The following NUDT13 variants were observed in gnomAD, a reference collection of about 807,000 sequenced individuals.
The protein encoded by NUDT13 is NAD(P)H pyrophosphatase NUDT13, mitochondrial.
A neutral mutation model predicts 41.7 loss-of-function variants in NUDT13; 40 were observed. The ratio of observed to expected loss-of-function variants is 0.96; its 90% CI spans 0.75 to 1.25. NUDT13 has a LOEUF of 1.25. Ranked by LOEUF, NUDT13 falls within the 50% of genes most tolerant of loss-of-function variation. NUDT13 has a pLI of 0.00. For missense variants in NUDT13, 390 were observed against 416.1 expected (o/e 0.94, Z 0.55); for synonymous variants, 145 against 155.5 (o/e 0.93, Z 0.50).
In NUDT13 at chr10:73,126,759, C is replaced by T. The variant is rs34883783; in HGVS notation, c.790C>T (p.His264Tyr). The T allele has an allele frequency of 4.2e-4, 675 of 1,614,140 alleles. No homozygotes were observed. The African/African-American group carries it at 8.1e-3, about 19-fold the overall frequency. Residue 264 changes from histidine to tyrosine, a missense_variant, in exon 8 of 9, where the codon CAT (histidine) becomes TAT (tyrosine). Physicochemically the swap from His to Tyr is moderately conservative, Grantham distance 83 (BLOSUM62 2). Transcript: ENST00000357321. ...AAGCCTGCAGTACTATGCATCCCAG[C>T]ATTGGCCCTTCCCTAGTGGCTCACT... ...VESLQYYASQ[H>Y]WPFPSGSLMI...
At chr10:73,113,764 C>G (rs1369466724) in intron 1 of NUDT13, among the ~76,000 whole-genome samples, 2 of 152,194 alleles carry the variant, frequency 1.3e-5, no homozygotes, top group African/African-American at 4.8e-5. Context: ...AGAAGTAGGA[C>G]TAAATTTTAG....
At chr10:73,118,408 TA>T (rs1350227362) in intron 2 of NUDT13, among the ~76,000 whole-genome samples, 79 of 152,298 alleles carry the variant, frequency 5.2e-4, no homozygotes, top group African/African-American at 1.8e-3. Flanking sequence ...CCACAGGAAA[TA>T]TCTGCAAACT....
At chr10:73,129,251 C>T (rs1842860831) in intron 8 of NUDT13, among the ~76,000 whole-genome samples, 2 of 148,082 alleles carry the variant, frequency 1.4e-5, no homozygotes, top group South Asian at 4.3e-4. Flanking sequence ...CAGCTCACTG[C>T]AACCTTCGCC....
chr10:73,116,876 A>ATTTTTTTTTT lies in NUDT13; in HGVS notation c.83+2447_83+2456dup, dbSNP rs56229464. ...TGTACTCCTTTAACAGACTACAAGA[A>ATTTTTTTTTT]TTTTTTTTTTTTTTTTTTTTTTTTT... On this transcript the variant is annotated intron_variant, in intron 2 of 8. Coordinates refer to ENST00000357321, the MANE Select transcript of NUDT13 (RefSeq NM_015901.6). Among the ~76,000 whole-genome samples, 4 of 81,868 alleles carry ATTTTTTTTTT rather than the reference A, an allele frequency of 4.9e-5. 1 individual carries two copies. Among genetic ancestry groups the ATTTTTTTTTT allele is most frequent in the African/African-American group, 9.8e-5 (2 of 20,458 alleles). The allele number at this position is 81,868 out of a possible 152,430, so 53.7% of individuals were successfully genotyped here. A position where few individuals can be genotyped will look rare whatever the true frequency, so the allele number is the denominator to read the frequency against.
At chr10:73,125,561 T>C (rs1268400091) in intron 7 of NUDT13, 52 bp downstream of exon 7, 2 of 1,164,826 alleles carry the variant, frequency 1.7e-6, no homozygotes, top group Non-Finnish European at 1.2e-6. Flanking sequence ...ACAATCTTAC[T>C]AATACAATCT....
chr10:73,125,102 A>G lies in NUDT13; in HGVS notation c.466-16A>G. 6.2e-7 allele frequency: 1 copy of G among 1,600,564 alleles called. No homozygotes were observed. Among genetic ancestry groups the G allele is most frequent in the South Asian group, 1.1e-5 (1 of 90,386 alleles). Reference sequence around the variant, plus strand: ...ATTCTCTCCAAATGACACCAGGCCCATCATTGTGTTCCTAGGCTCAAGCTC... The same window carrying G: ...ATTCTCTCCAAATGACACCAGGCCCGTCATTGTGTTCCTAGGCTCAAGCTC... On this transcript the variant is annotated splice_polypyrimidine_tract_variant and intron_variant, in intron 5 of 8. Transcript: ENST00000357321.
chr10:73,117,253 TA>T (rs1842536128), intron 2 of NUDT13, among the ~76,000 whole-genome samples: 1 of 151,834 alleles, frequency 6.6e-6, no homozygotes, highest in Non-Finnish European at 1.5e-5. Flanking sequence ...TAAATCTATT[TA>T]AGAATGAATA....
At chr10:73,115,722 C>T (rs926832274) in intron 2 of NUDT13, among the ~76,000 whole-genome samples, 2 of 152,030 alleles carry the variant, frequency 1.3e-5, no homozygotes, top group Non-Finnish European at 1.5e-5. Flanking sequence ...CCTGTCACTT[C>T]AGATGAAAAA....
Position 73,131,092 on chromosome 10 carries a change from A to G in NUDT13, c.*189A>G, listed in dbSNP as rs1842907507. 2.0e-6 allele frequency: 1 copy of G among 494,224 alleles called. No homozygotes were observed. Among genetic ancestry groups the G allele is most frequent in the Non-Finnish European group, 3.7e-6 (1 of 270,292 alleles). 30.6% of individuals were successfully genotyped at this position (494,224 alleles called of 1,614,324 possible). A position where few individuals can be genotyped will look rare whatever the true frequency, so the allele number is the denominator to read the frequency against. ...AGAAATTCCTACCAATGGGCAATCAAAAAAGCCAGTGTGAGAAGAAAACTG... is the reference window on the plus strand; with the variant it reads ...AGAAATTCCTACCAATGGGCAATCAGAAAAGCCAGTGTGAGAAGAAAACTG... On this transcript the variant is annotated 3_prime_UTR_variant, in exon 9 of 9. Coordinates refer to ENST00000357321, the MANE Select transcript of NUDT13 (RefSeq NM_015901.6).
Position 73,120,060 on chromosome 10 carries a change from AG to A in NUDT13, c.127del (p.Ala43ProfsTer32), listed in dbSNP as rs1385467606. On this transcript the variant is annotated frameshift_variant, in exon 3 of 9. Transcript: ENST00000357321. LOFTEE classifies it high-confidence loss of function. ...LKEDDDACKK[A>X]QQTGAFYLFH... ...AGGAAGATGATGATGCATGTAAAAA[AG>A]CCCAGCAAACAGGAGCGTTTTACCT... is the stretch of plus-strand genomic sequence containing the variant. 3 of 1,614,210 alleles carry A rather than the reference AG, an allele frequency of 1.9e-6. No homozygotes were observed. The highest frequency in any genetic ancestry group is 2.5e-6 in the Non-Finnish European group (3 of 1,180,020).
At position 73,124,140 on chromosome 10, in the gene NUDT13, C is replaced by T. The variant is rs926881779; in HGVS notation, c.359-74C>T. On this transcript the variant is annotated intron_variant, in intron 4 of 8. Transcript: ENST00000357321. Reference sequence around the variant, plus strand: ...GCAAGTTTGGGAAACACTATTTTAACAGGATAGACTGGAGAGAGGCCCTGA... The same window carrying T: ...GCAAGTTTGGGAAACACTATTTTAATAGGATAGACTGGAGAGAGGCCCTGA... 7.9e-5 allele frequency: 79 copies of T among 1,005,466 alleles called. 2 individuals are homozygous for T. In the East Asian group the frequency reaches 1.1e-3, roughly 14 times the overall value. 62.3% of individuals were successfully genotyped at this position (1,005,466 alleles called of 1,614,324 possible).
intron 8 of NUDT13, among the ~76,000 whole-genome samples, chr10:73,127,682 T>G (rs527420776): frequency 2.6e-5 from 4 of 151,154 alleles, no homozygotes. Context: ...CATAAACTTA[T>G]TCATCACTTA....
At chr10:73,129,292 C>G (rs1048847726) in intron 8 of NUDT13, among the ~76,000 whole-genome samples, 3 of 151,564 alleles carry the variant, frequency 2.0e-5, no homozygotes, top group African/African-American at 7.3e-5. Flanking sequence ...CCTGCCTCAG[C>G]CTCCCGAGTG....
At chr10:73,119,888 T>A (rs1842601104) in intron 2 of NUDT13, 130 bp from the exon 3 acceptor site, 1 of 996,362 alleles carries the variant, frequency 1.0e-6, no homozygotes, top group Non-Finnish European at 1.5e-6. Context: ...TTGGAGCAAA[T>A]TAGGTTGTAA....
intron 1 of NUDT13, 93 bp from the exon 2 acceptor site, chr10:73,114,264 C>A: frequency 2.1e-6 from 1 of 485,726 alleles, no homozygotes; most frequent in South Asian, 4.4e-5. Flanking sequence ...CAGAGTGATC[C>A]CATTCTGGCT....
chr10:73,125,551 A>G, intron 7 of NUDT13, 42 bp downstream of exon 7: 1 of 1,247,798 alleles, frequency 8.0e-7, no homozygotes, highest in South Asian at 1.3e-5. Context: ...TGGAAGATAT[A>G]CAATCTTACT....
At chr10:73,118,614 T>A (rs907504523) in intron 2 of NUDT13, among the ~76,000 whole-genome samples, 3 of 152,200 alleles carry the variant, frequency 2.0e-5, no homozygotes, top group Non-Finnish European at 2.9e-5. Context: ...ACCCCATTAC[T>A]ATTGCCTGTT....
chr10:73,131,216 ATCT>A lies in NUDT13; in HGVS notation c.*317_*319del, dbSNP rs1842911169. The A allele has an allele frequency of 1.5e-5, 4 of 259,246 alleles. No individual in the cohort carries two copies. Among genetic ancestry groups the A allele is most frequent in the Non-Finnish European group, 3.1e-5 (4 of 129,656 alleles). The allele number at this position is 259,246 out of a possible 1,614,324, so 16.1% of individuals were successfully genotyped here. On this transcript the variant is annotated 3_prime_UTR_variant, in exon 9 of 9. Transcript: ENST00000357321. ...TTTCTCTAAGGCCTTGGAAGCAAAC[ATCT>A]TCTGGCATATGGCTTGTTAATGTTG... is the stretch of plus-strand genomic sequence containing the variant.
At chr10:73,119,054 C>CT (rs958448539) in intron 2 of NUDT13, among the ~76,000 whole-genome samples, 23 of 150,292 alleles carry the variant, frequency 1.5e-4, no homozygotes, top group East Asian at 3.9e-4. Flanking sequence ...CCTTTGTTTT[C>CT]TTTTTTTTTG....
Sources: allele counts gnomAD v4.1 joint callset (sites outside exome capture counted in the v4.1 genomes callset), GRCh38; gene constraint gnomAD v4.1.1; transcripts MANE v1.5; gene names NCBI Gene and HGNC (gene_info 2026-07-23, HGNC 2026-07-21).